DLGAP2: variants seen among roughly 807,000 people sequenced by gnomAD.
DLGAP2 encodes disks large-associated protein 2.
DLGAP2 carries 26 observed loss-of-function variants against 100.3 expected under a neutral mutation model. That is an observed-to-expected ratio of 0.26 (90% CI 0.19 to 0.36). The LOEUF (loss-of-function observed/expected upper bound fraction) is 0.36. DLGAP2 is among the 10% of genes least tolerant of loss of function. The pLI is 1.00. For missense variants in DLGAP2, 1,858 were observed against 1,453.2 expected, an observed-to-expected ratio of 1.28 and a Z score of -4.53; for synonymous variants, 886 against 630.1, an observed-to-expected ratio of 1.41 and a Z score of -6.08.
chr8:1,688,824 C>T (rs1234288033), intron 12 of DLGAP2, among the ~76,000 whole-genome samples: 1 of 152,204 alleles, frequency 6.6e-6, no homozygotes, highest in African/African-American at 2.4e-5. Flanking sequence ...GCACACACTG[C>T]TGTGTAGTTG....
intron 3 of DLGAP2, among the ~76,000 whole-genome samples, chr8:1,260,641 A>G (rs1799327272): frequency 6.6e-6 from 1 of 150,690 alleles, no homozygotes; most frequent in African/African-American, 2.4e-5. Context: ...GTTTTTTCCC[A>G]GTAAATCAGA....
chr8:822,369 C>T (rs1028901418), intron 1 of DLGAP2, among the ~76,000 whole-genome samples: 3 of 152,190 alleles, frequency 2.0e-5, no homozygotes, highest in African/African-American at 7.2e-5. Context: ...ATGGTAAGGC[C>T]GGGGGTGAGT....
chr8:1,498,720 T>C (rs1563184510), intron 3 of DLGAP2, among the ~76,000 whole-genome samples: 1 of 152,158 alleles, frequency 6.6e-6, no homozygotes, highest in Non-Finnish European at 1.5e-5. Context: ...GTGAATGTGG[T>C]CTCTGTTTCT....
At chr8:1,245,552 A>T (rs1367985061) in intron 2 of DLGAP2, among the ~76,000 whole-genome samples, 1 of 152,200 alleles carries the variant, frequency 6.6e-6, no homozygotes, top group African/African-American at 2.4e-5. Context: ...TCTATATAGA[A>T]AGTACATTAG....
intron 2 of DLGAP2, among the ~76,000 whole-genome samples, chr8:1,104,475 C>A (rs755570966): frequency 6.6e-5 from 10 of 152,164 alleles, no homozygotes; most frequent in Non-Finnish European, 1.3e-4. Context: ...GAGCAGATGC[C>A]TTAGGGGTGG....
chr8:1,442,675 G>A (rs978605323), intron 3 of DLGAP2, among the ~76,000 whole-genome samples: 10 of 141,080 alleles, frequency 7.1e-5, no homozygotes, highest in African/African-American at 2.1e-4. Context: ...GCATAGACCC[G>A]CCAGGCTGCT....
At chr8:1,505,589 A>G (rs1258827413) in intron 4 of DLGAP2, among the ~76,000 whole-genome samples, 3 of 152,228 alleles carry the variant, frequency 2.0e-5, no homozygotes, top group African/African-American at 7.2e-5. Context: ...GATGGGGAAA[A>G]TGGCTGTGAA....
At chr8:1,474,975 C>T (rs1415744080) in intron 3 of DLGAP2, among the ~76,000 whole-genome samples, 1 of 152,220 alleles carries the variant, frequency 6.6e-6, no homozygotes, top group African/African-American at 2.4e-5. Context: ...GACATGGCCT[C>T]AACCTAGATG....
intron 3 of DLGAP2, among the ~76,000 whole-genome samples, chr8:1,382,153 C>G (rs969617394): frequency 6.6e-6 from 1 of 152,306 alleles, no homozygotes; most frequent in South Asian, 2.1e-4. Context: ...GTCACTGACA[C>G]ACATTGTGTT....
intron 6 of DLGAP2, among the ~76,000 whole-genome samples, chr8:1,606,384 G>C (rs976799781): frequency 2.6e-5 from 4 of 152,018 alleles, no homozygotes; most frequent in African/African-American, 9.7e-5. Flanking sequence ...ACACCAAAAA[G>C]AAACCCTGTA....
At chr8:1,043,685 A>G (rs991701491) in intron 2 of DLGAP2, among the ~76,000 whole-genome samples, 1 of 151,992 alleles carries the variant, frequency 6.6e-6, no homozygotes, top group Admixed American at 6.6e-5. Context: ...AGTCATGTGG[A>G]TTTGGACCAG....
At chr8:1,448,889 A>G (rs1798058217) in intron 3 of DLGAP2, among the ~76,000 whole-genome samples, 1 of 152,204 alleles carries the variant, frequency 6.6e-6, no homozygotes, top group Non-Finnish European at 1.5e-5. Flanking sequence ...AGCATGTCAC[A>G]TTTCAGATGT....
intron 2 of DLGAP2, among the ~76,000 whole-genome samples, chr8:1,073,113 T>C (rs952205526): frequency 6.6e-6 from 1 of 152,230 alleles, no homozygotes; most frequent in African/African-American, 2.4e-5. Context: ...CTCGTAGCTG[T>C]TATTTTGAGT....
chr8:967,765 GTATA>G (rs1262660337), intron 2 of DLGAP2, among the ~76,000 whole-genome samples: 1 of 52,638 alleles, frequency 1.9e-5, no homozygotes. Flanking sequence ...ACAAAGAGGT[GTATA>G]TATATATATG....
chr8:867,651 C>T (rs1228094030), intron 1 of DLGAP2, among the ~76,000 whole-genome samples: 2 of 152,182 alleles, frequency 1.3e-5, no homozygotes, highest in African/African-American at 2.4e-5. Context: ...GACACTGGCT[C>T]GGGTGTAGCC....
At chr8:1,019,210 T>C (rs1801559444) in intron 2 of DLGAP2, 1 of 152,046 alleles carries the variant, frequency 6.6e-6, no homozygotes, top group African/African-American at 2.4e-5. Context: ...ACTGTGCCGG[T>C]TCCCATGCTG....
At chr8:1,698,636 A>AGCCAGGTCCAAGTAAGCCATGCGTGG (rs1190928838) in intron 14 of DLGAP2, among the ~76,000 whole-genome samples, 1 of 150,048 alleles carries the variant, frequency 6.7e-6, no homozygotes, top group African/African-American at 2.5e-5. Flanking sequence ...GCATGGGACT[A>AGCCAGGTCCAAGTAAGCCATGCGTGG]GACAGGTCCA....
chr8:1,562,531 A>G (rs1296410779), intron 5 of DLGAP2, among the ~76,000 whole-genome samples: 6 of 30,120 alleles, frequency 2.0e-4, no homozygotes, highest in Non-Finnish European at 2.9e-4. Flanking sequence ...GCGCCTCGTT[A>G]CTGGGGGACT....
chr8:942,678 C>T (rs1316000413), intron 2 of DLGAP2, among the ~76,000 whole-genome samples: 1 of 152,230 alleles, frequency 6.6e-6, no homozygotes. Context: ...TTCAGTGAGG[C>T]AGAGTCATGT....
Sources: gnomAD v4.1 joint callset for allele counts (sites outside exome capture counted in the v4.1 genomes callset) on GRCh38, gnomAD v4.1.1 for gene constraint, MANE v1.5 for transcripts, NCBI Gene and HGNC (gene_info 2026-07-23, HGNC 2026-07-21) for gene names.